Variants in CYRIB observed in about 807,000 individuals in gnomAD.
CYRIB encodes CYFIP related Rac1 interactor B.
A neutral mutation model predicts 44.2 loss-of-function variants in CYRIB; 8 were observed. That is an observed-to-expected ratio of 0.18 (90% confidence interval 0.11 to 0.33). The LOEUF (loss-of-function observed/expected upper bound fraction) is 0.33, where lower values mean the gene tolerates loss of function less well. CYRIB is among the 10% of genes least tolerant of loss of function. The pLI is 1.00. For missense variants in CYRIB, 185 were observed against 382.8 expected, an observed-to-expected ratio of 0.48 and a Z score of 4.31; for synonymous variants, 131 against 127.2, an observed-to-expected ratio of 1.03 and a Z score of -0.20.
intron 2 of CYRIB, among the ~76,000 whole-genome samples, chr8:129,892,151 G>C (rs2065701331): frequency 6.6e-6 from 1 of 152,122 alleles, no homozygotes; most frequent in African/African-American, 2.4e-5. Context: ...AACACATCCT[G>C]CTACAATGGT....
chr8:129,868,220 C>A (rs2054928892), intron 4 of CYRIB, among the ~76,000 whole-genome samples: 1 of 152,124 alleles, frequency 6.6e-6, no homozygotes, highest in Admixed American at 6.5e-5. Context: ...AATCTTTTCT[C>A]TTTGTATCAT....
chr8:129,965,130 A>T (rs2095421907), intron 2 of CYRIB, among the ~76,000 whole-genome samples: 1 of 152,158 alleles, frequency 6.6e-6, no homozygotes, highest in Non-Finnish European at 1.5e-5. Context: ...GACCTGCCAA[A>T]TCTCCTCTAT....
Position 129,932,102 on chromosome 8 carries a change from G to A in CYRIB, c.-50+7506C>T, listed in dbSNP as rs180852873. ...CAACCTCCACCTCCCAGGTTCAAGC[G>A]ATTCTCCTGCCTCAGCCTCCTGAGT... On this transcript the variant is annotated intron_variant, in intron 1 of 11. Coordinates refer to ENST00000519824, the Ensembl canonical transcript of CYRIB. 9.0e-3 allele frequency among the ~76,000 whole-genome samples: 1,350 copies of A among 150,590 alleles called. 18 individuals carry two copies. Among genetic ancestry groups the A allele is most frequent in the African/African-American group, 0.031 (1,287 of 40,968 alleles).
chr8:129,895,398 GTTGT>G (rs570021727), intron 2 of CYRIB, among the ~76,000 whole-genome samples: 73 of 120,308 alleles, frequency 6.1e-4, no homozygotes, highest in African/African-American at 1.8e-3. Flanking sequence ...TGTTTATGGT[GTTGT>G]TTGTCATAAC....
intron 2 of CYRIB, among the ~76,000 whole-genome samples, chr8:129,957,964 C>CAAAAAAAAAA: frequency 9.6e-6 from 1 of 103,766 alleles, no homozygotes; most frequent in Non-Finnish European, 2.0e-5. Context: ...GACTCCATCT[C>CAAAAAAAAAA]AAAAAAAAAA....
intron 1 of CYRIB, among the ~76,000 whole-genome samples, chr8:129,973,587 C>G (rs1031897184): frequency 6.6e-6 from 1 of 152,248 alleles, no homozygotes; most frequent in Non-Finnish European, 1.5e-5. Context: ...TCCCAACCAC[C>G]TCACGTGGAC....
chr8:129,878,804 T>C (rs2059973317), intron 3 of CYRIB, among the ~76,000 whole-genome samples: 2 of 152,210 alleles, frequency 1.3e-5, no homozygotes, highest in Admixed American at 1.3e-4. Flanking sequence ...CCCATTATTT[T>C]TCCTTTCATT....
At position 130,010,071 on chromosome 8, in the gene CYRIB, C is replaced by T. The variant is rs1044293082; in HGVS notation, c.-296+6299G>A. Among the ~76,000 whole-genome samples, 5 of 152,324 alleles carry T rather than the reference C, an allele frequency of 3.3e-5. 1 individual carries two copies. The highest frequency in any genetic ancestry group is 3.3e-4 in the Admixed American group (5 of 15,302). ...GCACAACGGGGCCCTCACTGTCCTT[C>T]CCCCACCTTCTTATCAAAGGATGCT... On this transcript the variant is annotated intron_variant, in intron 1 of 14. Transcript: ENST00000401979.
Position 129,877,734 on chromosome 8 carries a change from C to G in CYRIB, c.73+1655G>C, listed in dbSNP as rs548220588. ...CAAACACTCCCACAGATTGGAAAGC[C>G]AAGACCAAGTAATCTTTTAAATACT... On this transcript the variant is annotated intron_variant, in intron 3 of 11. Transcript: ENST00000519824. Among the ~76,000 whole-genome samples the G allele has an allele frequency of 7.4e-5, 11 of 149,350 alleles. No homozygotes were observed. The South Asian group carries it at 1.3e-3, about 17-fold the overall frequency.
intron 1 of CYRIB, among the ~76,000 whole-genome samples, chr8:129,975,769 G>T (rs1225630798): frequency 6.6e-6 from 1 of 152,208 alleles, no homozygotes; most frequent in East Asian, 1.9e-4. Context: ...TGCAGCAGTT[G>T]CTTATTGCTG....
At chr8:129,922,655 A>G (rs887481811) in intron 1 of CYRIB, among the ~76,000 whole-genome samples, 1 of 149,998 alleles carries the variant, frequency 6.7e-6, no homozygotes, top group African/African-American at 2.5e-5. Flanking sequence ...CGAGGTCAGG[A>G]GATCGAGACC....
chr8:129,910,151 TG>T (rs1378826143), intron 1 of CYRIB, among the ~76,000 whole-genome samples: 2 of 152,198 alleles, frequency 1.3e-5, no homozygotes, highest in Non-Finnish European at 2.9e-5. Context: ...TACTGTAACC[TG>T]GAACTCCTGG....
intron 3 of CYRIB, among the ~76,000 whole-genome samples, chr8:129,873,587 T>C (rs1248654869): frequency 2.0e-5 from 3 of 152,036 alleles, no homozygotes; most frequent in African/African-American, 7.2e-5. Context: ...GTATTTAGTT[T>C]GAATTCATGA....
chr8:129,944,778 G>T, upstream of CYRIB, among the ~76,000 whole-genome samples: 1 of 149,656 alleles, frequency 6.7e-6, no homozygotes, highest in African/African-American at 2.5e-5. Flanking sequence ...GTAAGACTCT[G>T]TCTCAAAAAA....
intron 1 of CYRIB, among the ~76,000 whole-genome samples, chr8:129,920,878 C>G (rs1290931832): frequency 6.6e-6 from 1 of 152,076 alleles, no homozygotes. Context: ...ATTTTATCTA[C>G]AGAGATAGAT....
At chr8:129,860,580 T>A (rs776134474) in intron 5 of CYRIB, among the ~76,000 whole-genome samples, 1 of 152,202 alleles carries the variant, frequency 6.6e-6, no homozygotes, top group Admixed American at 6.5e-5. Flanking sequence ...TGTCTTAACA[T>A]TACATTTAAC....
chr8:129,965,452 T>C (rs1248455575), intron 2 of CYRIB, among the ~76,000 whole-genome samples: 1 of 152,168 alleles, frequency 6.6e-6, no homozygotes, highest in East Asian at 1.9e-4. Context: ...CATTCCTTCT[T>C]AGCAGATATG....
At chr8:129,909,105 T>G (rs1375296105) in intron 1 of CYRIB, among the ~76,000 whole-genome samples, 1 of 152,014 alleles carries the variant, frequency 6.6e-6, no homozygotes, top group Non-Finnish European at 1.5e-5. Context: ...AAATTCTTAA[T>G]CTCTATTGTA....
At chr8:130,015,364 C>T (rs1442527247) in intron 1 of CYRIB, among the ~76,000 whole-genome samples, 4 of 151,914 alleles carry the variant, frequency 2.6e-5, no homozygotes, top group African/African-American at 9.7e-5. Flanking sequence ...CCCTGCAGGC[C>T]AGGAAATCTA....
Sources: gnomAD v4.1 joint callset for allele counts (sites outside exome capture counted in the v4.1 genomes callset) on GRCh38, gnomAD v4.1.1 for gene constraint, MANE v1.5 for transcripts, NCBI Gene and HGNC (gene_info 2026-07-23, HGNC 2026-07-21) for gene names.